Variants in CHRNB3 observed in about 807,000 individuals in gnomAD.
The protein encoded by CHRNB3 is neuronal acetylcholine receptor subunit beta-3.
CHRNB3 carries 37 observed loss-of-function variants against 40.6 expected under a neutral mutation model. That is an observed-to-expected ratio of 0.91 (90% confidence interval 0.70 to 1.20). The LOEUF (loss-of-function observed/expected upper bound fraction) is 1.20, where lower values mean the gene tolerates loss of function less well. CHRNB3 is among the 50% of genes most tolerant of loss of function. The pLI, the probability that CHRNB3 is intolerant of heterozygous loss-of-function variation, is 0.00. For synonymous variants in CHRNB3, 207 were observed against 207.1 expected, an observed-to-expected ratio of 1.00 and a Z score of 0.00; for missense variants, 505 against 551.2, an observed-to-expected ratio of 0.92 and a Z score of 0.84.
At chr8:42,724,207 C>T (rs1816267082) in intron 3 of CHRNB3, among the ~76,000 whole-genome samples, 2 of 152,028 alleles carry the variant, frequency 1.3e-5, no homozygotes, top group South Asian at 4.1e-4. Flanking sequence ...CCAGCCTGAC[C>T]AACATGACAA....
At chr8:42,732,577 C>G in intron 5 of CHRNB3, 28 bp downstream of exon 5, 1 of 1,545,706 alleles carries the variant, frequency 6.5e-7, no homozygotes, top group African/African-American at 1.4e-5. Context: ...CCTGATAATG[C>G]TGCCGTAAAG....
chr8:42,698,266 T>C (rs1467920100), intron 1 of CHRNB3, among the ~76,000 whole-genome samples: 1 of 152,162 alleles, frequency 6.6e-6, no homozygotes, highest in Non-Finnish European at 1.5e-5. Flanking sequence ...TGAAAGGCTT[T>C]GGGGATTGGT....
Position 42,703,653 on chromosome 8 carries a change from G to A in CHRNB3, c.53-5064G>A, listed in dbSNP as rs116974994. ...ACCACTTGTCCTGGAAACCTTGAGC[G>A]CATCTGTGATTTTACATCTTCGGGA... On this transcript the variant is annotated intron_variant, in intron 1 of 5. Transcript: ENST00000289957. Among the ~76,000 whole-genome samples the A allele has an allele frequency of 1.7e-3, 251 of 151,898 alleles. 9 individuals are homozygous for A. The East Asian group carries it at 0.043, about 26-fold the overall frequency.
At chr8:42,734,400 G>A (rs149619809) in intron 5 of CHRNB3, among the ~76,000 whole-genome samples, 5 of 149,778 alleles carry the variant, frequency 3.3e-5, no homozygotes, top group South Asian at 4.3e-4. Flanking sequence ...GCCTGATCCC[G>A]TAAACAAACT....
intron 2 of CHRNB3, 127 bp from the exon 3 acceptor site, chr8:42,710,263 A>G: frequency 1.4e-6 from 1 of 706,120 alleles, no homozygotes; most frequent in South Asian, 1.6e-5. Context: ...GGGTGCAGTG[A>G]GCTATGGTGG....
rs1281309172 is a variant in CHRNB3 at position 42,710,423 on chromosome 8, T to C, written c.238T>C (p.Trp80Arg). 1 of 1,610,458 alleles carries C rather than the reference T, an allele frequency of 6.2e-7. No individual in the cohort carries two copies. The highest frequency in any genetic ancestry group is 8.5e-7 in the Non-Finnish European group (1 of 1,178,308). ...GAATCAGCTGATGACAACCAATGTG[T>C]GGCTCAAACAGGTAAATTTCAATCC... is the stretch of plus-strand genomic sequence containing the variant. ...EKNQLMTTNVWLKQEWTDHKL... is the reference protein window; with the variant it reads ...EKNQLMTTNVRLKQEWTDHKL... Residue 80 changes from tryptophan to arginine, a missense_variant, in exon 3 of 6, where the codon TGG (tryptophan) becomes CGG (arginine). Transcript: ENST00000289957.
chr8:42,736,570 T>A lies in CHRNB3; in HGVS notation c.1329T>A (p.Val443=). The change falls in exon 6 of 6, where the codon GTT becomes GTA. Residue 443 remains valine (V), a synonymous_variant. Transcript: ENST00000289957. ...LFLIVSVTGS[V]LIFTPALKMW... Reference sequence around the variant, plus strand: ...TGATAGTGTCAGTAACAGGCTCGGTTCTGATTTTTACCCCTGCTTTGAAGA... The same window carrying A: ...TGATAGTGTCAGTAACAGGCTCGGTACTGATTTTTACCCCTGCTTTGAAGA... 3 of 1,614,196 alleles carry A rather than the reference T, an allele frequency of 1.9e-6. No homozygotes were observed. In the South Asian group the frequency reaches 3.3e-5, roughly 18 times the overall value.
In CHRNB3 at chr8:42,736,831, G is replaced by C; in HGVS notation, c.*213G>C. 1.6e-6 allele frequency: 1 copy of C among 607,650 alleles called. No individual in the cohort carries two copies. Among genetic ancestry groups the C allele is most frequent in the East Asian group, 2.9e-5 (1 of 34,898 alleles). 37.6% of individuals were successfully genotyped at this position (607,650 alleles called of 1,614,324 possible). The stretch of plus-strand genomic sequence containing the variant: ...TTTTAAAGAAAGTGGAGCCTCCTCA[G>C]ACCCCTGCCTTGGCTTTCCCAGACA... On this transcript the variant is annotated 3_prime_UTR_variant, in exon 6 of 6. Coordinates refer to ENST00000289957, the MANE Select transcript of CHRNB3 (RefSeq NM_000749.5).
At chr8:42,725,920 T>C in intron 3 of CHRNB3, 1 of 870,890 alleles carries the variant, frequency 1.1e-6, no homozygotes, top group Non-Finnish European at 1.9e-6. Flanking sequence ...AATGGTTCTC[T>C]GCACCAGTAA....
In CHRNB3 at chr8:42,710,240, C is replaced by A. The variant is rs533641355; in HGVS notation, c.205-150C>A. 3.3e-5 allele frequency: 21 copies of A among 634,282 alleles called. 1 individual carries two copies. In the Admixed American group the frequency reaches 3.6e-4, roughly 11 times the overall value. The allele number at this position is 634,282 out of a possible 1,614,324, so 39.3% of individuals were successfully genotyped here. A position where few individuals can be genotyped will look rare whatever the true frequency, so the allele number is the denominator to read the frequency against. On this transcript the variant is annotated intron_variant, in intron 2 of 5. Coordinates refer to ENST00000289957, the MANE Select transcript of CHRNB3 (RefSeq NM_000749.5). ...GGCTGGGGTGTGAGAATGGCTTGAG[C>A]CCCGGAGGTTGAGGGTGCAGTGAGC... is the stretch of plus-strand genomic sequence containing the variant.
At chr8:42,726,048 A>C in intron 3 of CHRNB3, 1 of 951,476 alleles carries the variant, frequency 1.1e-6, no homozygotes, top group East Asian at 2.4e-5. Flanking sequence ...CGTTTCTGTC[A>C]CCAGGAATCT....
intron 2 of CHRNB3, among the ~76,000 whole-genome samples, chr8:42,709,926 C>T (rs1013547027): frequency 1.1e-4 from 16 of 152,148 alleles, no homozygotes; most frequent in African/African-American, 3.9e-4. Flanking sequence ...GCCACTGCAC[C>T]CAGCCTACTT....
chr8:42,725,012 T>G (rs527891160), intron 3 of CHRNB3, among the ~76,000 whole-genome samples: 1 of 151,796 alleles, frequency 6.6e-6, no homozygotes, highest in East Asian at 1.9e-4. Context: ...ACACTGGAAT[T>G]TTTTCCTTGG....
intron 1 of CHRNB3, among the ~76,000 whole-genome samples, chr8:42,699,243 G>A (rs893692168): frequency 1.3e-5 from 2 of 152,170 alleles, no homozygotes; most frequent in Admixed American, 1.3e-4. Flanking sequence ...GTGTGGCCAT[G>A]GGTTGTCTCT....
At chr8:42,724,692 G>A (rs1284758806) in intron 3 of CHRNB3, among the ~76,000 whole-genome samples, 1 of 151,768 alleles carries the variant, frequency 6.6e-6, no homozygotes, top group African/African-American at 2.4e-5. Flanking sequence ...GAAAACGCTG[G>A]AATTGGCCGG....
intron 1 of CHRNB3, among the ~76,000 whole-genome samples, chr8:42,704,694 G>A (rs1815890784): frequency 6.6e-6 from 1 of 152,152 alleles, no homozygotes. Flanking sequence ...GTGTGTGTGT[G>A]TGTGTGCTTG....
chr8:42,730,332 A>T (rs1402473344), intron 3 of CHRNB3, among the ~76,000 whole-genome samples: 1 of 152,178 alleles, frequency 6.6e-6, no homozygotes, highest in Admixed American at 6.6e-5. Context: ...CGTTTGTTGT[A>T]GAGCCTCTTC....
At chr8:42,705,054 T>A (rs970493690) in intron 1 of CHRNB3, among the ~76,000 whole-genome samples, 1 of 152,180 alleles carries the variant, frequency 6.6e-6, no homozygotes, top group Admixed American at 6.5e-5. Flanking sequence ...TCAAGACAGA[T>A]AAGTGGCCAA....
chr8:42,715,499 C>T (rs954114065), intron 3 of CHRNB3, among the ~76,000 whole-genome samples: 1 of 152,168 alleles, frequency 6.6e-6, no homozygotes, highest in African/African-American at 2.4e-5. Flanking sequence ...GCCTCCCAGA[C>T]ACTGAAAAAT....
Sources: allele counts gnomAD v4.1 joint callset (sites outside exome capture counted in the v4.1 genomes callset), GRCh38; gene constraint gnomAD v4.1.1; transcripts MANE v1.5; gene names NCBI Gene and HGNC (gene_info 2026-07-23, HGNC 2026-07-21).